DNAH5: variants seen among roughly 807,000 people sequenced by gnomAD.
The protein encoded by DNAH5 is dynein axonemal heavy chain 5.
In DNAH5, 372 loss-of-function variants were observed where a neutral mutation model predicts 518.2. That is an observed-to-expected ratio of 0.72 (90% CI 0.66 to 0.78). The LOEUF (loss-of-function observed/expected upper bound fraction) is 0.78. Ranked by LOEUF, DNAH5 falls within the 30% of genes least tolerant of loss-of-function variation. DNAH5 has a pLI of 0.00. For synonymous variants in DNAH5, 2,039 were observed against 2,025.9 expected (o/e 1.01, Z -0.17); for missense variants, 5,523 against 5,687.0 (o/e 0.97, Z 0.93).
chr5:13,785,359 T>C (rs1755824213), intron 52 of DNAH5, among the ~76,000 whole-genome samples: 2 of 152,164 alleles, frequency 1.3e-5, no homozygotes, highest in South Asian at 2.1e-4. Flanking sequence ...AGACACATAC[T>C]GGTCTGCGGC....
intron 1 of DNAH5, among the ~76,000 whole-genome samples, chr5:13,951,391 C>T (rs1371309474): frequency 4.0e-5 from 6 of 150,680 alleles, no homozygotes; most frequent in African/African-American, 1.5e-4. Context: ...TAATTTCTTA[C>T]TTATTTTTTG....
Position 13,914,687 on chromosome 5 carries a change from T to C in DNAH5, c.1198-45A>G, listed in dbSNP as rs13162553. ...TGATGTTAAGCACATAAAACAGCCA[T>C]GGATTGTAAACTGGACTAGAAGGTC... On this transcript the variant is annotated intron_variant, in intron 9 of 78. Coordinates refer to ENST00000265104, the MANE Select transcript of DNAH5 (RefSeq NM_001369.3). The C allele has an allele frequency of 0.39, 617,862 of 1,580,620 alleles. 128,228 individuals are homozygous for C. Among genetic ancestry groups the C allele is most frequent in the East Asian group, 0.84 (37,478 of 44,522 alleles).
In DNAH5 at chr5:13,700,758, G is replaced by C; in HGVS notation, c.13605C>G (p.Val4535=). Reference sequence around the variant, plus strand: ...CAGCACCTTCAAGATATAAGCCATAGACATAGACACCCTCTGTGGGAGGGG... The same window carrying C: ...CAGCACCTTCAAGATATAAGCCATACACATAGACACCCTCTGTGGGAGGGG... ...ISAPPTEGVY[V]YGLYLEGAGW... Residue 4535 remains valine, a synonymous_variant, in exon 78 of 79, where the codon GTC becomes GTG. Transcript: ENST00000265104. The C allele has an allele frequency of 6.2e-7, 1 of 1,614,132 alleles. No homozygotes were observed. The highest frequency in any genetic ancestry group is 8.5e-7 in the Non-Finnish European group (1 of 1,180,006).
intron 65 of DNAH5, among the ~76,000 whole-genome samples, chr5:13,749,391 G>A (rs923710479): frequency 6.6e-6 from 1 of 152,122 alleles, no homozygotes; most frequent in Admixed American, 6.6e-5. Flanking sequence ...GTAAGAAAAA[G>A]CCTGGTCCTG....
intron 47 of DNAH5, among the ~76,000 whole-genome samples, chr5:13,804,589 C>T (rs545690779): frequency 4.6e-5 from 7 of 152,292 alleles, no homozygotes; most frequent in African/African-American, 1.7e-4. Context: ...TAATAGAAAT[C>T]CCTGATGCTC....
chr5:13,791,206 T>C lies in DNAH5; in HGVS notation c.8448+788A>G, dbSNP rs1580261215. 2.0e-5 allele frequency among the ~76,000 whole-genome samples: 3 copies of C among 152,318 alleles called. No individual in the cohort carries two copies. In the South Asian group the frequency reaches 6.2e-4, roughly 32 times the overall value. ...CACTTGTGCTTAATGAACAGTTTTGTTGATAATTTAACTGTCTCTGTGTGT... is the reference window on the plus strand; with the variant it reads ...CACTTGTGCTTAATGAACAGTTTTGCTGATAATTTAACTGTCTCTGTGTGT... On this transcript the variant is annotated intron_variant, in intron 50 of 78. Coordinates refer to ENST00000265104, the MANE Select transcript of DNAH5 (RefSeq NM_001369.3).
Position 13,902,117 on chromosome 5 carries a change from C to T in DNAH5, c.1666G>A (p.Asp556Asn), listed in dbSNP as rs1462649711. The T allele has an allele frequency of 1.2e-6, 2 of 1,608,332 alleles. No homozygotes were observed. Among genetic ancestry groups the T allele is most frequent in the Non-Finnish European group, 1.7e-6 (2 of 1,176,306 alleles). ...DLHNELRKFM[D>N]VTFAKIQNTN... ...TTTTGAATCTTTGCAAATGTAACAT[C>T]CATGAACTTCCGCAACTCGTTCTAA... The change falls in exon 13 of 79, where the codon GAT becomes AAT. Residue 556 changes from aspartate to asparagine, a missense_variant. Physicochemically the swap from Asp to Asn is conservative, Grantham distance 23. Coordinates refer to ENST00000265104, the MANE Select transcript of DNAH5 (RefSeq NM_001369.3).
chr5:13,885,014 A>G lies in DNAH5; in HGVS notation c.2958T>C (p.His986=), dbSNP rs1251993300. 3 of 1,614,118 alleles carry G rather than the reference A, an allele frequency of 1.9e-6. No homozygotes were observed. Among genetic ancestry groups the G allele is most frequent in the Non-Finnish European group, 2.5e-6 (3 of 1,180,038 alleles). Residue 986 remains histidine, a synonymous_variant, in exon 19 of 79, where the codon CAT becomes CAC. Coordinates refer to ENST00000265104, the MANE Select transcript of DNAH5 (RefSeq NM_001369.3). ...NTLEAIRKRI[H]SSHTINFRDS... is the part of the protein sequence containing the mutation. ...CCCGGAAGTTAATTGTGTGAGAGGAATGAATACGTTTGCGAATGGCCTCTA... is the reference window on the plus strand; with the variant it reads ...CCCGGAAGTTAATTGTGTGAGAGGAGTGAATACGTTTGCGAATGGCCTCTA...
At chr5:13,735,450 G>C in intron 67 of DNAH5, 129 bp from the exon 68 acceptor site, 3 of 855,106 alleles carry the variant, frequency 3.5e-6, no homozygotes, top group Non-Finnish European at 5.6e-6. Context: ...TCAAGAGAAA[G>C]CCTCCTAAAT....
intron 75 of DNAH5, among the ~76,000 whole-genome samples, chr5:13,713,437 A>ATG (rs1743851479): frequency 2.1e-5 from 1 of 47,702 alleles, no homozygotes; most frequent in African/African-American, 9.5e-5. Flanking sequence ...ACATCGACAT[A>ATG]TATATATATA....
At chr5:13,975,305 C>T (rs942146330) in intron 1 of DNAH5, among the ~76,000 whole-genome samples, 1 of 152,132 alleles carries the variant, frequency 6.6e-6, no homozygotes, top group South Asian at 2.1e-4. Context: ...GTGGGGGAAA[C>T]CATCCCCATG....
rs779799358 is a variant in DNAH5, at chr5:13,871,705, C to A, written c.3457G>T (p.Glu1153Ter). ...GTAATAAATGTCTTAATGGCTTCTT[C>A]TTTTCCCTTTTGCCAAATGTGATTG... ...RYNHIWQKGK[E>*]EAIKTFITQS... is the part of the protein sequence containing the mutation. The change falls in exon 23 of 79, where the codon GAA becomes TAA. Residue 1153 changes from glutamate (E) to a stop codon, truncating the protein, a stop_gained. Transcript: ENST00000265104. LOFTEE classifies it high-confidence loss of function. 6.2e-7 allele frequency: 1 copy of A among 1,613,688 alleles called. No homozygotes were observed.
At chr5:13,815,266 C>A (rs532038044) in intron 42 of DNAH5, among the ~76,000 whole-genome samples, 2 of 151,922 alleles carry the variant, frequency 1.3e-5, no homozygotes, top group African/African-American at 2.4e-5. Flanking sequence ...ATAAGGTGGT[C>A]GATAAGATAT....
At position 13,692,146 on chromosome 5, in the gene DNAH5, CAT is replaced by C; in HGVS notation, c.13724-13_13724-12del. ...GAGGATCTCGTAAAGCTACAAAAAA[CAT>C]AAAAGAAAAGAACTTGGTGAAATTT... On this transcript the variant is annotated splice_polypyrimidine_tract_variant and intron_variant, in intron 78 of 78. Coordinates refer to ENST00000265104, the MANE Select transcript of DNAH5 (RefSeq NM_001369.3). 1 of 1,613,870 alleles carries C rather than the reference CAT, an allele frequency of 6.2e-7. No individual in the cohort carries two copies. The highest frequency in any genetic ancestry group is 1.1e-5 in the South Asian group (1 of 91,084).
rs368456286 is a variant in DNAH5, at chr5:13,717,345, T to A, written c.12675A>T (p.Gln4225His). The A allele has an allele frequency of 6.2e-7, 1 of 1,613,858 alleles. No individual in the cohort carries two copies. Among genetic ancestry groups the A allele is most frequent in the Non-Finnish European group, 8.5e-7 (1 of 1,179,998 alleles). Residue 4225 changes from glutamine (Q) to histidine (H), a missense_variant, in exon 73 of 79, where the codon CAA becomes CAT. Coordinates refer to ENST00000265104, the MANE Select transcript of DNAH5 (RefSeq NM_001369.3). ...ADFNATVQFI[Q>H]NHLDDMDVKK... is the part of the protein sequence containing the mutation. The stretch of plus-strand genomic sequence containing the variant: ...TGACATCCATGTCATCCAAGTGGTT[T>A]TGGATGAACTGCACAGTGGCATTAA...
intron 46 of DNAH5, among the ~76,000 whole-genome samples, chr5:13,808,526 T>C (rs1006552070): frequency 1.3e-5 from 2 of 152,198 alleles, no homozygotes; most frequent in Non-Finnish European, 2.9e-5. Context: ...TGTCAACTCA[T>C]ACATAAGAAA....
Position 13,762,763 on chromosome 5 carries a change from C to A in DNAH5, c.10240G>T (p.Ala3414Ser), listed in dbSNP as rs138951581. 11 of 1,614,128 alleles carry A rather than the reference C, an allele frequency of 6.8e-6. No individual in the cohort carries two copies. In the African/African-American group the frequency reaches 1.1e-4, roughly 16 times the overall value. The change falls in exon 60 of 79, where the codon GCT becomes TCT. Residue 3414 changes from alanine to serine, a missense_variant. By Grantham distance (99) the Ala-to-Ser change is moderately conservative (BLOSUM62 1). This residue lies in a region of DNAH5 where 5,121 missense variants were observed against 5,223.3 expected (regional missense o/e 0.98). Transcript: ENST00000265104. Reference protein sequence around the residue: ...AGLCSWTKAMASFFSINKEVL... With the variant: ...AGLCSWTKAMSSFFSINKEVL... ...TCTTTGTTTATAGAAAAGAAGGAAG[C>A]CATAGCTTTCGTCCAGGAACAAAGA...
intron 68 of DNAH5, among the ~76,000 whole-genome samples, chr5:13,734,392 A>G (rs1419683233): frequency 6.6e-6 from 1 of 152,190 alleles, no homozygotes; most frequent in Non-Finnish European, 1.5e-5. Context: ...CAAGACATTC[A>G]AGAATGTGAT....
chr5:13,789,595 C>T (rs1756625073), intron 50 of DNAH5, among the ~76,000 whole-genome samples: 2 of 152,132 alleles, frequency 1.3e-5, no homozygotes, highest in Non-Finnish European at 2.9e-5. Flanking sequence ...TAAGCCATTG[C>T]ATTACTAATG....
Sources: allele counts gnomAD v4.1 joint callset (sites outside exome capture counted in the v4.1 genomes callset), GRCh38; gene constraint gnomAD v4.1.1; regional missense constraint gnomAD v4.1.1; transcripts MANE v1.5; gene names NCBI Gene and HGNC (gene_info 2026-07-23, HGNC 2026-07-21).